Variants in ADAM12 observed in about 807,000 individuals in gnomAD.
The protein encoded by ADAM12 is disintegrin and metalloproteinase domain-containing protein 12.
A neutral mutation model predicts 106.4 loss-of-function variants in ADAM12; 70 were observed. The ratio of observed to expected loss-of-function variants is 0.66; its 90% CI spans 0.54 to 0.80. The LOEUF (loss-of-function observed/expected upper bound fraction) is 0.80. Ranked by LOEUF, ADAM12 falls within the 30% of genes least tolerant of loss-of-function variation. The pLI, the probability that ADAM12 is intolerant of heterozygous loss-of-function variation, is 0.00. For missense variants in ADAM12, 1,010 were observed against 1,171.9 expected (o/e 0.86, Z 2.02); for synonymous variants, 420 against 433.5 (o/e 0.97, Z 0.39).
Position 126,118,163 on chromosome 10 carries a change from T to G in ADAM12, c.478A>C (p.Arg160=). Reference sequence around the variant, plus strand: ...TTCTTCGCTGGGAAGAGTTTGTATCTGTTGGTTGCACTTTTCATTGGTTCT... The same window carrying G: ...TTCTTCGCTGGGAAGAGTTTGTATCGGTTGGTTGCACTTTTCATTGGTTCT... ...VLEPMKSATN[R]YKLFPAKKLK... is the part of the protein sequence containing the mutation. The change falls in exon 6 of 23, where the codon AGA becomes CGA. Residue 160 remains arginine (R), a synonymous_variant. Coordinates refer to ENST00000448723, the MANE Select transcript of ADAM12 (RefSeq NM_001288973.2). 1 of 1,614,190 alleles carries G rather than the reference T, an allele frequency of 6.2e-7. No homozygotes were observed. Among genetic ancestry groups the G allele is most frequent in the Non-Finnish European group, 8.5e-7 (1 of 1,180,006 alleles).
intron 3 of ADAM12, among the ~76,000 whole-genome samples, chr10:126,170,828 C>G (rs551670526): frequency 1.3e-5 from 2 of 152,246 alleles, no homozygotes; most frequent in East Asian, 3.9e-4. Context: ...AACGATTCTC[C>G]AAGTGCTTAG....
intron 1 of ADAM12, among the ~76,000 whole-genome samples, chr10:126,383,642 C>T (rs1856563059): frequency 6.6e-6 from 1 of 152,012 alleles, no homozygotes; most frequent in Non-Finnish European, 1.5e-5. Context: ...GTTTGACAAG[C>T]AGAATACCAT....
chr10:126,257,366 G>C (rs1958913442), intron 3 of ADAM12, among the ~76,000 whole-genome samples: 1 of 152,218 alleles, frequency 6.6e-6, no homozygotes, highest in Non-Finnish European at 1.5e-5. Context: ...TTTGTATTGA[G>C]ATGGCCTCTT....
chr10:126,382,962 T>C (rs1856544663), intron 1 of ADAM12, among the ~76,000 whole-genome samples: 1 of 152,206 alleles, frequency 6.6e-6, no homozygotes, highest in African/African-American at 2.4e-5. Flanking sequence ...TTATTTATTT[T>C]GATACAGGGT....
intron 1 of ADAM12, among the ~76,000 whole-genome samples, chr10:126,349,142 T>C (rs1855260580): frequency 1.3e-5 from 2 of 152,188 alleles, no homozygotes. Context: ...CCAAATAACC[T>C]AGTGACATAT....
intron 3 of ADAM12, among the ~76,000 whole-genome samples, chr10:126,168,339 C>G (rs1474378723): frequency 6.6e-6 from 1 of 152,172 alleles, no homozygotes; most frequent in Admixed American, 6.5e-5. Context: ...TCTCATTCTG[C>G]CATTTTCTTC....
chr10:126,240,718 A>G (rs568423552), intron 3 of ADAM12, among the ~76,000 whole-genome samples: 2 of 152,284 alleles, frequency 1.3e-5, no homozygotes, highest in South Asian at 2.1e-4. Context: ...AGAATTGAAC[A>G]AACAGCAGCT....
At chr10:126,047,650 G>A (rs1954363328) in intron 16 of ADAM12, among the ~76,000 whole-genome samples, 1 of 152,200 alleles carries the variant, frequency 6.6e-6, no homozygotes, top group Non-Finnish European at 1.5e-5. Context: ...AACAACAGAT[G>A]CTGGCAAGGT....
intron 3 of ADAM12, among the ~76,000 whole-genome samples, chr10:126,278,573 A>G (rs17685006): frequency 0.053 from 8,032 of 152,218 alleles, 287 homozygotes; most frequent in Admixed American, 0.11. Context: ...CCCTAATATA[A>G]TCCAGGAGTT....
intron 1 of ADAM12, among the ~76,000 whole-genome samples, chr10:126,333,461 T>C (rs373177167): frequency 2.0e-5 from 3 of 152,144 alleles, no homozygotes; most frequent in Non-Finnish European, 4.4e-5. Context: ...TGAGAAGCTG[T>C]ATGTGTGAGG....
chr10:126,295,497 A>G (rs1960326667), intron 2 of ADAM12, among the ~76,000 whole-genome samples: 1 of 151,788 alleles, frequency 6.6e-6, no homozygotes, highest in East Asian at 1.9e-4. Flanking sequence ...TTGAATTTTC[A>G]TTTTGCTGCA....
chr10:126,313,389 G>A (rs547434595), intron 2 of ADAM12, among the ~76,000 whole-genome samples: 2 of 152,278 alleles, frequency 1.3e-5, no homozygotes, highest in East Asian at 3.9e-4. Context: ...AGAGGGCCTT[G>A]GAAGGGCAAG....
At chr10:126,194,022 C>A (rs1384545199) in intron 3 of ADAM12, among the ~76,000 whole-genome samples, 1 of 151,982 alleles carries the variant, frequency 6.6e-6, no homozygotes, top group Non-Finnish European at 1.5e-5. Flanking sequence ...TGTTGTACAG[C>A]CTGAAATGCG....
At chr10:126,144,516 T>C (rs12355303) in intron 4 of ADAM12, among the ~76,000 whole-genome samples, 33,019 of 152,126 alleles carry the variant, frequency 0.22, 3,771 homozygotes, top group South Asian at 0.3. Flanking sequence ...ATGAGAGAAA[T>C]TGACCCATTA....
rs187337369 is a variant in ADAM12 at position 126,331,412 on chromosome 10, A to G, written c.89-903T>C. Among the ~76,000 whole-genome samples, 469 of 152,312 alleles carry G rather than the reference A, an allele frequency of 3.1e-3. 11 individuals are homozygous for G. The highest frequency in any genetic ancestry group is 5.3e-4 in the Non-Finnish European group (36 of 68,034). On this transcript the variant is annotated intron_variant, in intron 1 of 22. Coordinates refer to ENST00000448723, the MANE Select transcript of ADAM12 (RefSeq NM_001288973.2). ...ATAGCACAGTTTTAAGTTACTAAAG[A>G]GTTCACATTTATTGGGCACAAATGG... is the stretch of plus-strand genomic sequence containing the variant.
chr10:126,181,559 C>T (rs989298849), intron 3 of ADAM12, among the ~76,000 whole-genome samples: 1 of 152,202 alleles, frequency 6.6e-6, no homozygotes, highest in Non-Finnish European at 1.5e-5. Context: ...TCCACACATT[C>T]AGCCACCCAG....
Position 126,014,062 on chromosome 10 carries a change from A to C in ADAM12, c.*3217T>G, listed in dbSNP as rs915938530. 1 of 152,268 alleles carries C rather than the reference A, an allele frequency of 6.6e-6. No individual in the cohort carries two copies. The highest frequency in any genetic ancestry group is 1.5e-5 in the Non-Finnish European group (1 of 68,080). 9.4% of individuals were successfully genotyped at this position (152,268 alleles called of 1,614,324 possible). On this transcript the variant is annotated 3_prime_UTR_variant, in exon 23 of 23. Transcript: ENST00000448723. ...GGGAGCCCTGCAAAGCAGTTTTGAA[A>C]TGAGTAGTACATCTCACGAAGAAAG...
At chr10:126,231,698 C>T (rs1053961418) in intron 3 of ADAM12, among the ~76,000 whole-genome samples, 4 of 152,178 alleles carry the variant, frequency 2.6e-5, no homozygotes, top group Admixed American at 1.3e-4. Flanking sequence ...CAGCCCACCA[C>T]TCTCTCCTCC....
intron 3 of ADAM12, among the ~76,000 whole-genome samples, chr10:126,155,953 G>GCTAA (rs35269248): frequency 0.44 from 66,632 of 151,740 alleles, 15,181 homozygotes; most frequent in East Asian, 0.77. Context: ...CCCCGTTTAT[G>GCTAA]CTATTAATAA....
Sources: allele counts gnomAD v4.1 joint callset (sites outside exome capture counted in the v4.1 genomes callset), GRCh38; gene constraint gnomAD v4.1.1; transcripts MANE v1.5; gene names NCBI Gene and HGNC (gene_info 2026-07-23, HGNC 2026-07-21).